MACC1: variants seen among roughly 807,000 people sequenced by gnomAD.
MACC1 encodes the protein MET transcriptional regulator MACC1.
A neutral mutation model predicts 70.7 loss-of-function variants in MACC1; 79 were observed. That is an observed-to-expected ratio of 1.12 (90% CI 0.93 to 1.35). MACC1 has a LOEUF of 1.35. Ranked by LOEUF, MACC1 falls within the 40% of genes most tolerant of loss-of-function variation. MACC1 has a pLI of 0.00. For missense variants in MACC1, 1,106 were observed against 978.1 expected (o/e 1.13, Z -1.74); for synonymous variants, 361 against 347.2 (o/e 1.04, Z -0.44).
At chr7:20,162,462 A>T (rs1334919502) in intron 3 of MACC1, among the ~76,000 whole-genome samples, 1 of 152,186 alleles carries the variant, frequency 6.6e-6, no homozygotes, top group Non-Finnish European at 1.5e-5. Flanking sequence ...ATTTACATAG[A>T]AAAGCAAAGA....
At chr7:20,188,378 G>A (rs1230924145) in intron 1 of MACC1, among the ~76,000 whole-genome samples, 1 of 152,096 alleles carries the variant, frequency 6.6e-6, no homozygotes, top group East Asian at 1.9e-4. Context: ...CCTCTCAACA[G>A]GACTAGCATG....
chr7:20,209,378 C>T (rs1782962942), intron 1 of MACC1, among the ~76,000 whole-genome samples: 1 of 152,232 alleles, frequency 6.6e-6, no homozygotes, highest in Non-Finnish European at 1.5e-5. Flanking sequence ...AGGAGCCCAC[C>T]TCTTGCATCA....
intron 1 of MACC1, among the ~76,000 whole-genome samples, chr7:20,206,842 T>C (rs577663881): frequency 2.3e-4 from 35 of 152,350 alleles, no homozygotes; most frequent in African/African-American, 5.3e-4. Context: ...ATCCACCCAG[T>C]TAGATACCTG....
At position 20,154,312 on chromosome 7, in the gene MACC1, C is replaced by T. The variant is rs867331948; in HGVS notation, c.2227G>A (p.Ala743Thr). The T allele has an allele frequency of 1.2e-6, 2 of 1,613,860 alleles. No individual in the cohort carries two copies. The highest frequency in any genetic ancestry group is 2.2e-5 in the South Asian group (2 of 91,086). The change falls in exon 6 of 7, where the codon GCT (alanine) becomes ACT (threonine). Residue 743 changes from alanine to threonine, a missense_variant. Coordinates refer to ENST00000400331, the MANE Select transcript of MACC1 (RefSeq NM_182762.4). ...CTCCAGCCTTTTCCAAGCTTGACAGCTGAAGTCAGAACAGCAGCTTCTTGG... is the reference window on the plus strand; with the variant it reads ...CTCCAGCCTTTTCCAAGCTTGACAGTTGAAGTCAGAACAGCAGCTTCTTGG... ...LIQEAAVLTS[A>T]VKLGKGWREL...
intron 1 of MACC1, among the ~76,000 whole-genome samples, chr7:20,181,993 A>G (rs10243823): frequency 0.15 from 22,829 of 151,852 alleles, 1,941 homozygotes; most frequent in African/African-American, 0.22. Flanking sequence ...CATATACACC[A>G]TGGAATACTA....
rs78364754 is a variant in MACC1, at chr7:20,175,822, G to A, written c.-217-5044C>T. ...ACCTAATGCTAATATGTTTGCTGAC[G>A]GTGAAGCTGGAGCAGCCTTAAATCA... On this transcript the variant is annotated intron_variant, in intron 1 of 6. Coordinates refer to ENST00000400331, the MANE Select transcript of MACC1 (RefSeq NM_182762.4). Among the ~76,000 whole-genome samples the A allele has an allele frequency of 7.3e-3, 1,116 of 152,172 alleles. 27 individuals carry two copies. Among genetic ancestry groups the A allele is most frequent in the East Asian group, 0.038 (198 of 5,190 alleles).
chr7:20,215,078 GTTTA>G (rs10604824), intron 1 of MACC1, among the ~76,000 whole-genome samples: 53,943 of 147,132 alleles, frequency 0.37, 10,384 homozygotes, highest in East Asian at 0.67. Flanking sequence ...TACATCTCAA[GTTTA>G]TTTATTTATT....
At chr7:20,200,237 TAGATTTAAAAGATTAGTAGATTTAAA>T (rs1206874904) in intron 1 of MACC1, among the ~76,000 whole-genome samples, 22 of 140,472 alleles carry the variant, frequency 1.6e-4, no homozygotes, top group African/African-American at 5.2e-4. Context: ...ACTAGATTAC[TAGATTTAAAAGATTAGTAGATTTAAA>T]AGATTTAAAA....
At chr7:20,153,544 C>A (rs950964329) in intron 6 of MACC1, 4 of 152,092 alleles carry the variant, frequency 2.6e-5, no homozygotes, top group African/African-American at 9.7e-5. Context: ...TTATGGTAAT[C>A]TGGAGAAAAA....
intron 4 of MACC1, among the ~76,000 whole-genome samples, chr7:20,160,781 C>T (rs778712622): frequency 7.3e-5 from 11 of 151,658 alleles, no homozygotes; most frequent in South Asian, 2.1e-4. Context: ...TTTAAAATAA[C>T]GTTTAAAACA....
rs780206775 is a variant in MACC1, at chr7:20,164,352, C to A, written c.-105G>T. On this transcript the variant is annotated 5_prime_UTR_variant, in exon 3 of 7. Transcript: ENST00000400331. ...CTTCTTTCTAATTCTTGATTTTTTT[C>A]TTTTCAAGTAGTTTTATTTTTTAAA... The A allele has an allele frequency of 2.0e-5, 3 of 151,890 alleles. No homozygotes were observed. The highest frequency in any genetic ancestry group is 2.9e-5 in the Non-Finnish European group (2 of 67,982). 9.4% of individuals were successfully genotyped at this position (151,890 alleles called of 1,614,324 possible).
intron 1 of MACC1, among the ~76,000 whole-genome samples, chr7:20,172,412 C>T (rs993468949): frequency 8.5e-5 from 13 of 152,096 alleles, no homozygotes; most frequent in African/African-American, 2.7e-4. Context: ...AATCTCTTTT[C>T]TATCTGTATG....
At chr7:20,189,774 CAT>C (rs1427164366) in intron 1 of MACC1, among the ~76,000 whole-genome samples, 5 of 151,636 alleles carry the variant, frequency 3.3e-5, no homozygotes, top group South Asian at 2.1e-4. Context: ...CACACACACA[CAT>C]ACACAGAGAG....
chr7:20,179,159 GACT>G (rs1442747016), intron 1 of MACC1, among the ~76,000 whole-genome samples: 4 of 151,842 alleles, frequency 2.6e-5, no homozygotes, highest in African/African-American at 9.7e-5. Flanking sequence ...CCATTACTAT[GACT>G]ACATTTGTCA....
chr7:20,159,067 C>A lies in MACC1; in HGVS notation c.1294G>T (p.Asp432Tyr). 1 of 1,613,408 alleles carries A rather than the reference C, an allele frequency of 6.2e-7. No individual in the cohort carries two copies. The part of the protein sequence containing the change: ...KQSFLLDKPQ[D>Y]LSISIFSCDP... ...CAGGAAAAAATAGAAATACTTAAAT[C>A]TTGTGGCTTGTCAAGTAAAAATGAC... Residue 432 changes from aspartate to tyrosine, a missense_variant, in exon 5 of 7, where the codon GAT becomes TAT. Physicochemically the swap from Asp to Tyr is radical, Grantham distance 160. Coordinates refer to ENST00000400331, the MANE Select transcript of MACC1 (RefSeq NM_182762.4).
At chr7:20,158,055 G>T in intron 5 of MACC1, 149 bp downstream of exon 5, 1 of 911,398 alleles carries the variant, frequency 1.1e-6, no homozygotes, top group Non-Finnish European at 1.5e-6. Flanking sequence ...GATCATGTAG[G>T]AAAAACTATA....
chr7:20,189,565 T>C (rs1782640756), intron 1 of MACC1, among the ~76,000 whole-genome samples: 1 of 152,238 alleles, frequency 6.6e-6, no homozygotes, highest in African/African-American at 2.4e-5. Context: ...ATGTGATATA[T>C]ACATAGTTTG....
chr7:20,185,481 T>TA (rs11410122), intron 1 of MACC1, among the ~76,000 whole-genome samples: 81,886 of 150,726 alleles, frequency 0.54, 22,992 homozygotes, highest in Middle Eastern at 0.73. Flanking sequence ...AAAGTTTATT[T>TA]AAAAAAAAAA....
intron 1 of MACC1, among the ~76,000 whole-genome samples, chr7:20,211,548 G>A (rs1166813697): frequency 1.3e-5 from 2 of 152,160 alleles, no homozygotes; most frequent in Non-Finnish European, 2.9e-5. Flanking sequence ...ACATATCTGA[G>A]TCTCCCAGAT....
Sources: gnomAD v4.1 joint callset for allele counts (sites outside exome capture counted in the v4.1 genomes callset) on GRCh38, gnomAD v4.1.1 for gene constraint, MANE v1.5 for transcripts, NCBI Gene and HGNC (gene_info 2026-07-23, HGNC 2026-07-21) for gene names.